Variants in NPFFR1 observed in about 807,000 individuals in gnomAD.
The protein encoded by NPFFR1 is neuropeptide FF receptor 1.
A neutral mutation model predicts 12.7 loss-of-function variants in NPFFR1; 17 were observed. The observed-to-expected ratio is 1.34, with a 90% confidence interval of 0.92 to 2.01. The LOEUF (loss-of-function observed/expected upper bound fraction) is 2.01. NPFFR1 is among the 30% of genes most tolerant of loss of function. The pLI, the probability that NPFFR1 is intolerant of heterozygous loss-of-function variation, is 0.00. For synonymous variants in NPFFR1, 296 were observed against 264.5 expected, an observed-to-expected ratio of 1.12 and a Z score of -1.16; for missense variants, 604 against 606.5, an observed-to-expected ratio of 1.00 and a Z score of 0.04.
At chr10:70,279,778 A>G (rs1054189035) in intron 1 of NPFFR1, among the ~76,000 whole-genome samples, 12 of 152,156 alleles carry the variant, frequency 7.9e-5, no homozygotes, top group African/African-American at 2.9e-4. Context: ...CAATTTTGAA[A>G]TGTACAATAC....
intron 1 of NPFFR1, among the ~76,000 whole-genome samples, chr10:70,272,661 G>A (rs887275916): frequency 3.3e-5 from 5 of 152,226 alleles, no homozygotes; most frequent in Non-Finnish European, 5.9e-5. Context: ...GATCGGCAAT[G>A]ACTGAATTAT....
At chr10:70,257,216 A>G (rs1206000063) in intron 3 of NPFFR1, among the ~76,000 whole-genome samples, 1 of 152,034 alleles carries the variant, frequency 6.6e-6, no homozygotes, top group Non-Finnish European at 1.5e-5. Flanking sequence ...GAGAAATCAG[A>G]CTGTTATTGT....
chr10:70,269,602 C>T (rs1840728983), intron 1 of NPFFR1, among the ~76,000 whole-genome samples: 1 of 151,620 alleles, frequency 6.6e-6, no homozygotes, highest in Admixed American at 6.6e-5. Context: ...ACCTCTGCCT[C>T]CTGGGTTCAA....
At chr10:70,280,170 T>G (rs941420020) in intron 1 of NPFFR1, among the ~76,000 whole-genome samples, 2 of 152,262 alleles carry the variant, frequency 1.3e-5, no homozygotes, top group Non-Finnish European at 2.9e-5. Context: ...CTATTGTGGA[T>G]AGCGCTGCAA....
At chr10:70,259,773 C>G (rs768352749) in intron 3 of NPFFR1, among the ~76,000 whole-genome samples, 16 of 152,206 alleles carry the variant, frequency 1.1e-4, no homozygotes, top group African/African-American at 7.2e-5. Context: ...GGACTCTATG[C>G]CAAGAACTGT....
At chr10:70,272,244 G>GAAAGAAAGAAAGAAAGAAAAGAAAGA (rs60571634) in intron 1 of NPFFR1, among the ~76,000 whole-genome samples, 8 of 64,406 alleles carry the variant, frequency 1.2e-4, no homozygotes, top group African/African-American at 4.6e-4. Flanking sequence ...AAGAAAGAAA[G>GAAAGAAAGAAAGAAAGAAAAGAAAGA]AAGAAAGAAG....
intron 1 of NPFFR1, among the ~76,000 whole-genome samples, chr10:70,276,097 A>T (rs371094016): frequency 6.6e-6 from 1 of 152,128 alleles, no homozygotes; most frequent in East Asian, 1.9e-4. Flanking sequence ...ATTAGCAGCA[A>T]TTAGGGATCC....
intron 2 of NPFFR1, among the ~76,000 whole-genome samples, chr10:70,261,936 C>A (rs955492906): frequency 1.3e-5 from 2 of 151,958 alleles, no homozygotes; most frequent in African/African-American, 4.8e-5. Context: ...ATGTGGTTTG[C>A]AAAAAGCAAA....
chr10:70,266,065 G>A lies in NPFFR1; in HGVS notation c.322+12C>T, dbSNP rs1364690683. 2 of 1,611,146 alleles carry A rather than the reference G, an allele frequency of 1.2e-6. No homozygotes were observed. Among genetic ancestry groups the A allele is most frequent in the East Asian group, 2.2e-5 (1 of 44,854 alleles). ...GTAGGGGACACTCCTGCTGCCAACTGCCCGCACTCACCAGTGATGAGGTTG... is the reference window on the plus strand; with the variant it reads ...GTAGGGGACACTCCTGCTGCCAACTACCCGCACTCACCAGTGATGAGGTTG... On this transcript the variant is annotated intron_variant, in intron 2 of 3. Coordinates refer to ENST00000277942, the MANE Select transcript of NPFFR1 (RefSeq NM_022146.5).
At chr10:70,273,827 A>G (rs1309907538) in intron 1 of NPFFR1, among the ~76,000 whole-genome samples, 1 of 152,124 alleles carries the variant, frequency 6.6e-6, no homozygotes, top group African/African-American at 2.4e-5. Flanking sequence ...TGTTGCTTAT[A>G]ACCCTAGTGT....
chr10:70,282,905 G>A (rs975173987), intron 1 of NPFFR1, among the ~76,000 whole-genome samples: 1 of 152,048 alleles, frequency 6.6e-6, no homozygotes, highest in Non-Finnish European at 1.5e-5. Flanking sequence ...CTGAAGGTAA[G>A]GTCCATAGTT....
rs1840477319 is a variant in NPFFR1 at position 70,248,489 on chromosome 10, T to TTTTTTTTTTTTG, written c.*6467_*6468insCAAAAAAAAAAA. On this transcript the variant is annotated 3_prime_UTR_variant, in exon 4 of 4. Coordinates refer to ENST00000277942, the MANE Select transcript of NPFFR1 (RefSeq NM_022146.5). Reference sequence around the variant, plus strand: ...GGCGTTTTTTTTTTGTTTTTTGTTTTTTTTTTTTTTTTTTGAGATGGAGTC... The same window carrying TTTTTTTTTTTTG: ...GGCGTTTTTTTTTTGTTTTTTGTTTTTTTTTTTTTTTGTTTTTTTTTTTTTTGAGATGGAGTC... 7.9e-5 allele frequency: 9 copies of TTTTTTTTTTTTG among 113,880 alleles called. No homozygotes were observed. Among genetic ancestry groups the TTTTTTTTTTTTG allele is most frequent in the Admixed American group, 1.1e-4 (1 of 9,322 alleles). The allele number at this position is 113,880 out of a possible 1,614,324, so 7.1% of individuals were successfully genotyped here. A position where few individuals can be genotyped will look rare whatever the true frequency, so the allele number is the denominator to read the frequency against.
At chr10:70,260,588 T>A in intron 3 of NPFFR1, 52 bp downstream of exon 3, 1 of 1,493,306 alleles carries the variant, frequency 6.7e-7, no homozygotes, top group Non-Finnish European at 9.2e-7. Context: ...TGGCTCCTCT[T>A]AATGCCAGGC....
chr10:70,271,088 T>C (rs1251034568), intron 1 of NPFFR1, among the ~76,000 whole-genome samples: 48 of 152,252 alleles, frequency 3.2e-4, no homozygotes, highest in Non-Finnish European at 6.8e-4. Flanking sequence ...CAACGCACAC[T>C]GTGGTTTGAG....
intron 1 of NPFFR1, among the ~76,000 whole-genome samples, chr10:70,278,129 A>G (rs1025125999): frequency 1.3e-5 from 2 of 152,102 alleles, no homozygotes; most frequent in African/African-American, 4.8e-5. Context: ...GGTTGAGTTG[A>G]GTTGTCTTAC....
intron 2 of NPFFR1, among the ~76,000 whole-genome samples, chr10:70,263,864 C>T (rs1840659753): frequency 6.6e-6 from 1 of 152,130 alleles, no homozygotes; most frequent in Non-Finnish European, 1.5e-5. Flanking sequence ...GTAATCCCAG[C>T]ACTTTGGGAG....
chr10:70,267,132 G>A (rs570144478), intron 1 of NPFFR1, among the ~76,000 whole-genome samples: 65 of 152,178 alleles, frequency 4.3e-4, no homozygotes, highest in African/African-American at 1.3e-3. Context: ...CTTTGATGTC[G>A]TTCCCCTTCA....
At position 70,255,141 on chromosome 10, in the gene NPFFR1, C is replaced by T. The variant is rs768606135; in HGVS notation, c.1109G>A (p.Arg370Lys). The change falls in exon 4 of 4, where the codon AGG becomes AAG. Residue 370 changes from arginine to lysine, a missense_variant. Arg to Lys is a conservative substitution (Grantham distance 26, BLOSUM62 2). Transcript: ENST00000277942. This position sits in a 1 kb window ranked among gnomAD's most constrained non-coding sequence, Gnocchi z 4.2. ...YSERPGGLLH[R>K]RVFVVVRPSD... ...GGGCCGCACCACCACGAAGACCCGC[C>T]TGTGCAGAAGCCCGCCGGGCCGCTC... 7 of 1,532,912 alleles carry T rather than the reference C, an allele frequency of 4.6e-6. No homozygotes were observed. In the South Asian group the frequency reaches 7.3e-5, roughly 16 times the overall value. 95.0% of individuals were successfully genotyped at this position (1,532,912 alleles called of 1,614,324 possible). A position where few individuals can be genotyped will look rare whatever the true frequency, so the allele number is the denominator to read the frequency against.
At chr10:70,259,852 C>T (rs900064991) in intron 3 of NPFFR1, among the ~76,000 whole-genome samples, 4 of 152,242 alleles carry the variant, frequency 2.6e-5, no homozygotes, top group Non-Finnish European at 4.4e-5. Flanking sequence ...TACCATTTTA[C>T]AGATGAGACT....
Sources: gnomAD v4.1 joint callset for allele counts (sites outside exome capture counted in the v4.1 genomes callset) on GRCh38, gnomAD v4.1.1 for gene constraint, Gnocchi (gnomAD v3.1) non-coding constraint, MANE v1.5 for transcripts, NCBI Gene and HGNC (gene_info 2026-07-23, HGNC 2026-07-21) for gene names.